UBA6: variants seen among roughly 807,000 people sequenced by gnomAD.
UBA6 encodes the protein ubiquitin like modifier activating enzyme 6, also known as ubiquitin-like modifier-activating enzyme 6.
Under a neutral mutation model 148.3 loss-of-function variants are expected in UBA6, and 87 were observed. The observed-to-expected ratio is 0.59, with a 90% confidence interval of 0.49 to 0.70. The LOEUF (loss-of-function observed/expected upper bound fraction) is 0.70, where lower values mean the gene tolerates loss of function less well. Ranked by LOEUF, UBA6 falls within the 30% of genes least tolerant of loss-of-function variation. UBA6 has a pLI of 0.00. For missense variants in UBA6, 1,186 were observed against 1,241.2 expected (o/e 0.96, Z 0.67); for synonymous variants, 376 against 401.0 (o/e 0.94, Z 0.75).
intron 14 of UBA6, 150 bp downstream of exon 14, chr4:67,648,918 A>C (rs1333388238): frequency 2.2e-5 from 17 of 762,500 alleles, no homozygotes; most frequent in Non-Finnish European, 3.2e-5. Flanking sequence ...CAATCATAGA[A>C]TCAAGTGTTG....
chr4:67,652,916 C>T (rs989621385), intron 13 of UBA6, among the ~76,000 whole-genome samples: 3 of 152,240 alleles, frequency 2.0e-5, no homozygotes, highest in Non-Finnish European at 4.4e-5. Flanking sequence ...TGGAGCCTTG[C>T]TCACTGCTAG....
At chr4:67,688,609 G>C (rs1268705799) in intron 2 of UBA6, among the ~76,000 whole-genome samples, 1 of 152,044 alleles carries the variant, frequency 6.6e-6, no homozygotes, top group East Asian at 1.9e-4. Context: ...AAAAAGTTTA[G>C]AATCTGTTGA....
rs1159634655 is a variant in UBA6, at chr4:67,616,488, A to C, written c.*2509T>G. 5.1e-6 allele frequency: 1 copy of C among 195,712 alleles called. No homozygotes were observed. The highest frequency in any genetic ancestry group is 2.3e-5 in the African/African-American group (1 of 43,530). The allele number at this position is 195,712 out of a possible 1,614,324, so 12.1% of individuals were successfully genotyped here. ...CCTACCTTTGGGACAATTTATGAGG[A>C]ACTTATGGACAAGTAACAGAACTGC... On this transcript the variant is annotated 3_prime_UTR_variant, in exon 33 of 33. Coordinates refer to ENST00000322244, the MANE Select transcript of UBA6 (RefSeq NM_018227.6).
At chr4:67,686,074 T>C (rs529473120) in intron 2 of UBA6, among the ~76,000 whole-genome samples, 1 of 152,350 alleles carries the variant, frequency 6.6e-6, no homozygotes, top group South Asian at 2.1e-4. Flanking sequence ...CCAGCATTGT[T>C]ACATTACAGC....
intron 2 of UBA6, among the ~76,000 whole-genome samples, chr4:67,691,544 G>A (rs1313459129): frequency 6.6e-6 from 1 of 152,108 alleles, no homozygotes; most frequent in Non-Finnish European, 1.5e-5. Context: ...AATATTGCAG[G>A]AAAAAGTGAT....
At chr4:67,639,611 GT>G (rs1729254393) in intron 18 of UBA6, among the ~76,000 whole-genome samples, 1 of 151,986 alleles carries the variant, frequency 6.6e-6, no homozygotes, top group Admixed American at 6.6e-5. Flanking sequence ...AATTATTTGT[GT>G]TCCATTTTAT....
chr4:67,672,459 G>C (rs1730172148), intron 7 of UBA6, among the ~76,000 whole-genome samples: 1 of 152,156 alleles, frequency 6.6e-6, no homozygotes, highest in African/African-American at 2.4e-5. Flanking sequence ...GGGATTCTTA[G>C]TGTCCCTGGA....
chr4:67,663,791 C>G (rs1228626028), intron 11 of UBA6, 94 bp downstream of exon 11: 4 of 1,073,142 alleles, frequency 3.7e-6, no homozygotes, highest in Non-Finnish European at 5.8e-6. Context: ...CAGCCAGATA[C>G]CTACATGGTT....
In UBA6 at chr4:67,616,309, AT is replaced by A. The variant is rs1045640119; in HGVS notation, c.*2687del. ...ATAGTGGAAAGATTTAGGTCACGAGATTTTTTTTTTCCCTAAAAATTTCAAA... is the reference window on the plus strand; with the variant it reads ...ATAGTGGAAAGATTTAGGTCACGAGATTTTTTTTTCCCTAAAAATTTCAAA... On this transcript the variant is annotated 3_prime_UTR_variant, in exon 33 of 33. Coordinates refer to ENST00000322244, the MANE Select transcript of UBA6 (RefSeq NM_018227.6). 453 of 360,262 alleles carry A rather than the reference AT, an allele frequency of 1.3e-3. No homozygotes were observed. Among genetic ancestry groups the A allele is most frequent in the East Asian group, 1.5e-3 (37 of 25,326 alleles). 22.3% of individuals were successfully genotyped at this position (360,262 alleles called of 1,614,324 possible). A position where few individuals can be genotyped will look rare whatever the true frequency, so the allele number is the denominator to read the frequency against.
At chr4:67,655,252 A>G (rs1729657542) in intron 13 of UBA6, among the ~76,000 whole-genome samples, 1 of 152,214 alleles carries the variant, frequency 6.6e-6, no homozygotes, top group South Asian at 2.1e-4. Flanking sequence ...TCTCAGCACT[A>G]CATCGCACTT....
intron 18 of UBA6, among the ~76,000 whole-genome samples, chr4:67,640,338 T>C (rs529931294): frequency 6.6e-6 from 1 of 152,332 alleles, no homozygotes; most frequent in South Asian, 2.1e-4. Flanking sequence ...CTATTATATT[T>C]GGATAAGCAA....
chr4:67,667,660 T>TTTTTTTTTTTTTTTTTTTTTTTTTTGA (rs1338270880), intron 9 of UBA6, among the ~76,000 whole-genome samples: 1 of 152,226 alleles, frequency 6.6e-6, no homozygotes, highest in African/African-American at 2.4e-5. Flanking sequence ...TCCAGTACTT[T>TTTTTTTTTTTTTTTTTTTTTTTTTTGA]GACTCTTTTA....
intron 7 of UBA6, among the ~76,000 whole-genome samples, chr4:67,672,135 T>C (rs962962687): frequency 2.0e-5 from 3 of 152,226 alleles, no homozygotes; most frequent in Admixed American, 1.3e-4. Flanking sequence ...TCTACTCTTA[T>C]AATCCAACAG....
In UBA6 at chr4:67,636,397, CGGTCTCCCTCTCCCTCTCTTTCCAT is replaced by C. The variant is rs1411189416; in HGVS notation, c.1737-864_1737-840del. Among the ~76,000 whole-genome samples, 12 of 152,314 alleles carry C rather than the reference CGGTCTCCCTCTCCCTCTCTTTCCAT, an allele frequency of 7.9e-5. No individual in the cohort carries two copies. The South Asian group carries it at 1.2e-3, about 16-fold the overall frequency. On this transcript the variant is annotated intron_variant, in intron 19 of 32. Coordinates refer to ENST00000322244, the MANE Select transcript of UBA6 (RefSeq NM_018227.6). ...CTCCCTCTCCTGCTCCCGCTCCCCACGGTCTCCCTCTCCCTCTCTTTCCATGGTCTCCCTCTGATGCCGAGCCGAA... is the reference window on the plus strand; with the variant it reads ...CTCCCTCTCCTGCTCCCGCTCCCCACGGTCTCCCTCTGATGCCGAGCCGAA...
chr4:67,626,461 T>C lies in UBA6; in HGVS notation c.2417A>G (p.Glu806Gly). ...KPSNKVVQTD[E>G]TARKPDHVPI... ...AACATGGTCTGGTTTCCTTGCAGTT[T>C]CATCTGTTTGAACAACCTTTGAATA... The change falls in exon 28 of 33, where the codon GAA becomes GGA. Residue 806 changes from glutamate to glycine, a missense_variant. Coordinates refer to ENST00000322244, the MANE Select transcript of UBA6 (RefSeq NM_018227.6). 6.2e-7 allele frequency: 1 copy of C among 1,608,812 alleles called. No individual in the cohort carries two copies. Among genetic ancestry groups the C allele is most frequent in the Non-Finnish European group, 8.5e-7 (1 of 1,176,812 alleles).
At chr4:67,687,515 A>G (rs1445590531) in intron 2 of UBA6, among the ~76,000 whole-genome samples, 1 of 152,158 alleles carries the variant, frequency 6.6e-6, no homozygotes, top group Non-Finnish European at 1.5e-5. Flanking sequence ...ACAAGTAGAT[A>G]TTTGCTGAAC....
At chr4:67,654,211 G>C (rs1272270987) in intron 13 of UBA6, among the ~76,000 whole-genome samples, 1 of 152,108 alleles carries the variant, frequency 6.6e-6, no homozygotes, top group East Asian at 1.9e-4. Flanking sequence ...TCCTCGAGAA[G>C]AGCAACCCCA....
At chr4:67,655,697 A>T (rs1282668294) in intron 13 of UBA6, among the ~76,000 whole-genome samples, 2 of 152,208 alleles carry the variant, frequency 1.3e-5, no homozygotes, top group Non-Finnish European at 2.9e-5. Context: ...ATCAGAGGAG[A>T]ACTGAAGGAG....
At position 67,613,679 on chromosome 4, in the gene UBA6, G is replaced by A. The variant is rs1019390142; in HGVS notation, c.*5318C>T. 1 of 152,138 alleles carries A rather than the reference G, an allele frequency of 6.6e-6. No individual in the cohort carries two copies. The highest frequency in any genetic ancestry group is 1.5e-5 in the Non-Finnish European group (1 of 68,016). 9.4% of individuals were successfully genotyped at this position (152,138 alleles called of 1,614,324 possible). On this transcript the variant is annotated 3_prime_UTR_variant, in exon 33 of 33. Coordinates refer to ENST00000322244, the MANE Select transcript of UBA6 (RefSeq NM_018227.6). ...AAAAAAGGGAAAAAATGTTTAGAAA[G>A]AGATGTAAGGACTAAGCTCTGATAT...
Sources: allele counts gnomAD v4.1 joint callset (sites outside exome capture counted in the v4.1 genomes callset), GRCh38; gene constraint gnomAD v4.1.1; transcripts MANE v1.5; gene names NCBI Gene and HGNC (gene_info 2026-07-23, HGNC 2026-07-21).